The following SDCCAG8 variants were observed in gnomAD, a reference collection of about 807,000 sequenced individuals.
SDCCAG8 encodes the protein SHH signaling and ciliogenesis regulator SDCCAG8, also known as serologically defined colon cancer antigen 8.
Under a neutral mutation model 101.8 loss-of-function variants are expected in SDCCAG8, and 74 were observed. That is an observed-to-expected ratio of 0.73 (90% confidence interval 0.60 to 0.88). The LOEUF (loss-of-function observed/expected upper bound fraction) is 0.88. Among genes scored for constraint, SDCCAG8 ranks in the 40% least tolerant of loss-of-function variants. SDCCAG8 has a pLI of 0.00. For synonymous variants in SDCCAG8, 281 were observed against 292.9 expected, an observed-to-expected ratio of 0.96 and a Z score of 0.41; for missense variants, 787 against 822.6, an observed-to-expected ratio of 0.96 and a Z score of 0.53.
At chr1:243,434,626 C>A (rs748428769) in intron 16 of SDCCAG8, among the ~76,000 whole-genome samples, 2 of 152,186 alleles carry the variant, frequency 1.3e-5, no homozygotes, top group African/African-American at 2.4e-5. Flanking sequence ...AAAGTTTATC[C>A]TTTTCAAATT....
chr1:243,302,333 G>C (rs898882296), intron 6 of SDCCAG8, among the ~76,000 whole-genome samples: 10 of 142,630 alleles, frequency 7.0e-5, no homozygotes, highest in African/African-American at 2.5e-4. Context: ...AGATGTAAGT[G>C]CTCTACTCTG....
At chr1:243,425,285 G>A (rs754173952) in intron 15 of SDCCAG8, among the ~76,000 whole-genome samples, 1 of 152,100 alleles carries the variant, frequency 6.6e-6, no homozygotes, top group Non-Finnish European at 1.5e-5. Context: ...GACATATTGA[G>A]AACTGCAAGG....
At chr1:243,383,594 T>C (rs2078090914) in intron 13 of SDCCAG8, among the ~76,000 whole-genome samples, 1 of 152,216 alleles carries the variant, frequency 6.6e-6, no homozygotes, top group Non-Finnish European at 1.5e-5. Flanking sequence ...AAATTCATTG[T>C]AACTTAGGTT....
intron 16 of SDCCAG8, among the ~76,000 whole-genome samples, chr1:243,439,706 T>C (rs2082403887): frequency 6.6e-6 from 1 of 151,552 alleles, no homozygotes; most frequent in Non-Finnish European, 1.5e-5. Context: ...TATTGCCTTC[T>C]GTTTCTAGAG....
chr1:243,451,511 A>G (rs1292308756), intron 16 of SDCCAG8, among the ~76,000 whole-genome samples: 2 of 152,158 alleles, frequency 1.3e-5, no homozygotes, highest in Non-Finnish European at 2.9e-5. Flanking sequence ...CCCTTCTATT[A>G]TGCAGAACCA....
chr1:243,351,624 G>A lies in SDCCAG8; in HGVS notation c.1473+7293G>A, dbSNP rs188884272. Among the ~76,000 whole-genome samples, 182 of 152,232 alleles carry A rather than the reference G, an allele frequency of 1.2e-3. 1 individual carries two copies. Among genetic ancestry groups the A allele is most frequent in the Middle Eastern group, 6.8e-3 (2 of 294 alleles). On this transcript the variant is annotated intron_variant, in intron 12 of 17. Transcript: ENST00000366541. Reference sequence around the variant, plus strand: ...ACTTAGAGAAATTTGTGTTCTTATCGCAGCCTAACCAAGAATTCTGAGAAA... The same window carrying A: ...ACTTAGAGAAATTTGTGTTCTTATCACAGCCTAACCAAGAATTCTGAGAAA...
At chr1:243,306,598 T>G (rs2072156703) in intron 7 of SDCCAG8, 1 of 152,170 alleles carries the variant, frequency 6.6e-6, no homozygotes, top group African/African-American at 2.4e-5. Flanking sequence ...CCAAATCTAC[T>G]TGAGTGTTTT....
Position 243,256,238 on chromosome 1 carries a change from G to A in SDCCAG8, c.65G>A (p.Arg22Gln), listed in dbSNP as rs757244638. 10 of 1,614,054 alleles carry A rather than the reference G, an allele frequency of 6.2e-6. No homozygotes were observed. Among genetic ancestry groups the A allele is most frequent in the South Asian group, 4.4e-5 (4 of 91,088 alleles). ...EILGQYQRSLREHASRSIHQL... is the reference protein window; with the variant it reads ...EILGQYQRSLQEHASRSIHQL... ...CTGGGGCAGTATCAACGGAGTCTCC[G>A]GGGTGAGTTGCTCCAAACCTCTGTC... is the stretch of plus-strand genomic sequence containing the variant. The change falls in exon 1 of 18, where the codon CGG becomes CAG. Residue 22 changes from arginine to glutamine, a missense_variant and splice_region_variant. By Grantham distance (43) the Arg-to-Gln change is conservative. Coordinates refer to ENST00000366541, the MANE Select transcript of SDCCAG8 (RefSeq NM_006642.5).
At position 243,499,879 on chromosome 1, in the gene SDCCAG8, C is replaced by T; in HGVS notation, c.*94C>T. 1.6e-6 allele frequency: 2 copies of T among 1,231,826 alleles called. No homozygotes were observed. Among genetic ancestry groups the T allele is most frequent in the Non-Finnish European group, 2.4e-6 (2 of 847,992 alleles). 76.3% of individuals were successfully genotyped at this position (1,231,826 alleles called of 1,614,324 possible). A position where few individuals can be genotyped will look rare whatever the true frequency, so the allele number is the denominator to read the frequency against. On this transcript the variant is annotated 3_prime_UTR_variant, in exon 18 of 18. Transcript: ENST00000366541. ...TATGCCACAACGCACCACGACCTTC[C>T]CAGGGTGACACCGCCTCAGCCTGCA...
chr1:243,492,611 T>C (rs1574410329), intron 17 of SDCCAG8, among the ~76,000 whole-genome samples: 1 of 142,550 alleles, frequency 7.0e-6, no homozygotes. Context: ...GCTGTTTTTT[T>C]TTTTTTTTTT....
At chr1:243,341,938 A>G (rs530347306) in intron 11 of SDCCAG8, among the ~76,000 whole-genome samples, 3 of 152,294 alleles carry the variant, frequency 2.0e-5, no homozygotes, top group African/African-American at 7.2e-5. Context: ...ATTACCTTTT[A>G]TTCTTCAATG....
chr1:243,483,660 C>T (rs1478015172), intron 16 of SDCCAG8, among the ~76,000 whole-genome samples: 4 of 152,140 alleles, frequency 2.6e-5, no homozygotes, highest in South Asian at 2.1e-4. Context: ...AGCCAGGAGG[C>T]TCCGCAGGGC....
chr1:243,367,248 G>A (rs113795013), intron 12 of SDCCAG8, among the ~76,000 whole-genome samples: 1,535 of 151,618 alleles, frequency 0.01, 20 homozygotes, highest in African/African-American at 0.033. Flanking sequence ...ATTTTTATTC[G>A]CCATTGGAAA....
chr1:243,479,109 A>G (rs1277382198), intron 16 of SDCCAG8, among the ~76,000 whole-genome samples: 1 of 152,258 alleles, frequency 6.6e-6, no homozygotes, highest in Non-Finnish European at 1.5e-5. Flanking sequence ...AGCAATGGTT[A>G]AGTGTTGGAA....
intron 13 of SDCCAG8, among the ~76,000 whole-genome samples, chr1:243,415,332 T>C (rs2080497832): frequency 6.6e-6 from 1 of 152,304 alleles, no homozygotes; most frequent in South Asian, 2.1e-4. Flanking sequence ...TAAGTTTTGT[T>C]CCTAGAGTTC....
intron 12 of SDCCAG8, among the ~76,000 whole-genome samples, chr1:243,348,987 G>A (rs1311406144): frequency 6.6e-6 from 1 of 150,596 alleles, no homozygotes; most frequent in African/African-American, 2.4e-5. Context: ...ACCCTGTCTT[G>A]GATAAAAACA....
At chr1:243,372,145 T>C (rs886851546) in intron 12 of SDCCAG8, among the ~76,000 whole-genome samples, 1 of 152,174 alleles carries the variant, frequency 6.6e-6, no homozygotes, top group Non-Finnish European at 1.5e-5. Context: ...TTCAGTATTA[T>C]ATACTACCTT....
At chr1:243,395,452 C>T (rs1166927000) in intron 13 of SDCCAG8, among the ~76,000 whole-genome samples, 3 of 152,022 alleles carry the variant, frequency 2.0e-5, no homozygotes, top group Admixed American at 6.6e-5. Context: ...TTTGAAATTT[C>T]CTCCACATGA....
At chr1:243,404,143 T>C (rs2079592236) in intron 13 of SDCCAG8, among the ~76,000 whole-genome samples, 1 of 152,242 alleles carries the variant, frequency 6.6e-6, no homozygotes, top group African/African-American at 2.4e-5. Flanking sequence ...GAAAGTATCC[T>C]ATTGTTTTTA....
Sources: gnomAD v4.1 joint callset for allele counts (sites outside exome capture counted in the v4.1 genomes callset) on GRCh38, gnomAD v4.1.1 for gene constraint, MANE v1.5 for transcripts, NCBI Gene and HGNC (gene_info 2026-07-23, HGNC 2026-07-21) for gene names.